Variants in PZP observed in about 807,000 individuals in gnomAD.
The protein encoded by PZP is pregnancy zone protein.
Under a neutral mutation model 179.8 loss-of-function variants are expected in PZP, and 150 were observed. The observed-to-expected ratio is 0.83, with a 90% CI of 0.73 to 0.96. The LOEUF (loss-of-function observed/expected upper bound fraction) is 0.96, where lower values mean the gene tolerates loss of function less well. Ranked by LOEUF, PZP falls within the 40% of genes least tolerant of loss-of-function variation. The pLI is 0.00. For missense variants in PZP, 1,689 were observed against 1,764.0 expected (o/e 0.96, Z 0.76); for synonymous variants, 624 against 652.3 (o/e 0.96, Z 0.66).
intron 35 of PZP, 89 bp from the exon 36 acceptor site, chr12:9,149,083 G>T: frequency 1.6e-6 from 2 of 1,216,580 alleles, no homozygotes; most frequent in Non-Finnish European, 1.2e-6. Context: ...CTTATGCAGG[G>T]TCAGGAAACT....
chr12:9,208,251 A>G lies in PZP; in HGVS notation c.83+8T>C. On this transcript the variant is annotated splice_region_variant and intron_variant, in intron 1 of 35. Coordinates refer to ENST00000261336, the MANE Select transcript of PZP (RefSeq NM_002864.3). ...ACTCTGGAGGAAGGGGTCTTGAGTG[A>G]GACTTACGGTTCTGTAGAGTTTGAG... The G allele has an allele frequency of 6.2e-7, 1 of 1,609,296 alleles. No individual in the cohort carries two copies.
chr12:9,187,469 A>C (rs759919595), intron 13 of PZP, among the ~76,000 whole-genome samples: 9 of 152,204 alleles, frequency 5.9e-5, no homozygotes, highest in Non-Finnish European at 1.0e-4. Context: ...AAATGAAATC[A>C]TACACTCCAC....
chr12:9,190,648 G>A (rs1393562624), intron 13 of PZP, among the ~76,000 whole-genome samples: 6 of 152,000 alleles, frequency 3.9e-5, no homozygotes, highest in African/African-American at 1.5e-4. Flanking sequence ...CCCATGACAC[G>A]AGTTTACCTA....
intron 13 of PZP, 132 bp from the exon 14 acceptor site, chr12:9,182,249 C>T: frequency 1.3e-6 from 1 of 797,368 alleles, no homozygotes; most frequent in Non-Finnish European, 1.8e-6. Flanking sequence ...ATGGCTTAGT[C>T]TCTCTATGTG....
chr12:9,160,096 T>C, intron 24 of PZP, 71 bp from the exon 25 acceptor site: 1 of 1,415,330 alleles, frequency 7.1e-7, no homozygotes, highest in African/African-American at 1.4e-5. Flanking sequence ...TTTAGGCTCA[T>C]GCATCCAGGC....
At chr12:9,187,700 A>G (rs750908001) in intron 13 of PZP, among the ~76,000 whole-genome samples, 1 of 152,386 alleles carries the variant, frequency 6.6e-6, no homozygotes, top group East Asian at 1.9e-4. Flanking sequence ...AGGGAAACTT[A>G]TAGCACTAAA....
rs915588637 is a variant in PZP at position 9,152,229 on chromosome 12, T to C, written c.4203A>G (p.Thr1401=). ...MVSGFIPLKP[T]VKMLERSSSV... ...ATTAAAATACACCTACCATTTTTAC[T>C]GTTGGTTTCAGGGGAATAAAACCAG... Residue 1401 remains threonine (T), a synonymous_variant, in exon 32 of 36, where the codon ACA becomes ACG. Transcript: ENST00000261336. The C allele has an allele frequency of 1.2e-6, 2 of 1,601,262 alleles. No individual in the cohort carries two copies. Among genetic ancestry groups the C allele is most frequent in the Non-Finnish European group, 1.7e-6 (2 of 1,168,384 alleles).
intron 31 of PZP, among the ~76,000 whole-genome samples, 194 bp downstream of exon 31, chr12:9,152,630 T>G (rs1289048149): frequency 6.6e-6 from 1 of 152,254 alleles, no homozygotes; most frequent in Non-Finnish European, 1.5e-5. Flanking sequence ...CATTTGTTAT[T>G]TAGTATATAT....
rs753450276 is a variant in PZP, at chr12:9,193,278, G to A, written c.1255-539C>T. ...TTGCGCACAATTCTATTTCCCTTGT[G>A]GTAACTGCTCCTTAGCTTTTCTTCA... On this transcript the variant is annotated intron_variant, in intron 11 of 35. Transcript: ENST00000261336. Among the ~76,000 whole-genome samples the A allele has an allele frequency of 7.9e-5, 12 of 152,010 alleles. No homozygotes were observed. The South Asian group carries it at 2.5e-3, about 32-fold the overall frequency.
At chr12:9,159,634 C>A (rs1218482368) in intron 25 of PZP, among the ~76,000 whole-genome samples, 1 of 151,550 alleles carries the variant, frequency 6.6e-6, no homozygotes, top group African/African-American at 2.4e-5. Flanking sequence ...CAAAGTAAAA[C>A]AAAGAAAAGA....
chr12:9,201,194 A>G (rs1944134776), intron 5 of PZP, 133 bp downstream of exon 5: 1 of 1,354,952 alleles, frequency 7.4e-7, no homozygotes, highest in Non-Finnish European at 1.0e-6. Context: ...AATACAATCA[A>G]CCTGACAACT....
chr12:9,196,374 T>C lies in PZP; in HGVS notation c.1048A>G (p.Lys350Glu). ...CCTTGTCTAAAGTGTGAATCCACTT[T>C]CACGAATTTGAGTTTGGATACAATG... Reference protein sequence around the residue: ...TNIVSKLKFVKVDSHFRQGIP... With the variant: ...TNIVSKLKFVEVDSHFRQGIP... Residue 350 changes from lysine to glutamate, a missense_variant, in exon 10 of 36, where the codon AAA (lysine) becomes GAA (glutamate). Lys to Glu is a moderately conservative substitution (Grantham distance 56). Transcript: ENST00000261336. The C allele has an allele frequency of 6.2e-7, 1 of 1,613,842 alleles. No individual in the cohort carries two copies. Among genetic ancestry groups the C allele is most frequent in the South Asian group, 1.1e-5 (1 of 91,076 alleles).
intron 7 of PZP, 113 bp from the exon 8 acceptor site, chr12:9,197,236 GTGCCCACCAAGTA>G (rs1943831715): frequency 1.5e-6 from 1 of 683,920 alleles, no homozygotes; most frequent in East Asian, 2.9e-5. Flanking sequence ...TATCATCTGG[GTGCCCACCAAGTA>G]GAAAGCTGTC....
intron 19 of PZP, among the ~76,000 whole-genome samples, 169 bp from the exon 20 acceptor site, chr12:9,164,428 A>G (rs1367860371): frequency 6.6e-6 from 1 of 152,248 alleles, no homozygotes; most frequent in East Asian, 1.9e-4. Context: ...GCAATGATAC[A>G]AATCAAGATT....
rs775177035 is a variant in PZP, at chr12:9,200,339, T to G, written c.755+25A>C. 2.0e-6 allele frequency: 3 copies of G among 1,520,146 alleles called. No homozygotes were observed. In the Admixed American group the frequency reaches 5.5e-5, roughly 28 times the overall value. 94.2% of individuals were successfully genotyped at this position (1,520,146 alleles called of 1,614,324 possible). On this transcript the variant is annotated intron_variant, in intron 7 of 35. Transcript: ENST00000261336. ...TCAAAATTGAGGCAAAATATAAAATTTTAGATAAAAACAATGTAACTCACT... is the reference window on the plus strand; with the variant it reads ...TCAAAATTGAGGCAAAATATAAAATGTTAGATAAAAACAATGTAACTCACT...
At chr12:9,179,699 G>T (rs1942632561) in intron 15 of PZP, among the ~76,000 whole-genome samples, 1 of 152,164 alleles carries the variant, frequency 6.6e-6, no homozygotes, top group South Asian at 2.1e-4. Context: ...GACCAAAAGT[G>T]ATTCTATTTA....
At chr12:9,176,525 A>G (rs1565644352) in intron 15 of PZP, among the ~76,000 whole-genome samples, 1 of 152,252 alleles carries the variant, frequency 6.6e-6, no homozygotes, top group Non-Finnish European at 1.5e-5. Context: ...AAAGAACCAC[A>G]TAGGCACATA....
At position 9,166,176 on chromosome 12, in the gene PZP, A is replaced by G. The variant is rs758049989; in HGVS notation, c.2134T>C (p.Tyr712His). 7.4e-6 allele frequency: 12 copies of G among 1,613,516 alleles called. No homozygotes were observed. The East Asian group carries it at 1.8e-4, about 24-fold the overall frequency. Residue 712 changes from tyrosine to histidine, a missense_variant, in exon 18 of 36, where the codon TAT becomes CAT. Physicochemically the swap from Tyr to His is moderately conservative, Grantham distance 83. Around this residue, in one of 3 missense-constraint regions of PZP, gnomAD observed 201 missense variants for 284.2 expected, o/e 0.71. Coordinates refer to ENST00000261336, the MANE Select transcript of PZP (RefSeq NM_002864.3). Reference protein sequence around the residue: ...GAGLGVVERPYVPQLGTYNVI... With the variant: ...GAGLGVVERPHVPQLGTYNVI... The stretch of plus-strand genomic sequence containing the variant: ...TTATATGTGCCTAATTGAGGAACAT[A>G]TGGTCTCTCTACTACTCCTAGACCT...
At position 9,200,956 on chromosome 12, in the gene PZP, G is replaced by A. The variant is rs149270620; in HGVS notation, c.606C>T (p.Tyr202=). The part of the protein sequence containing the change: ...PLSSEPIQGS[Y]RVVVQTESGG... ...CTGATTCTGTCTGTACCACCACCCT[G>A]TAGGAGCCCTGAATGGGCTCTGATG... is the stretch of plus-strand genomic sequence containing the variant. The change falls in exon 6 of 36, where the codon TAC becomes TAT. Residue 202 remains tyrosine (Y), a synonymous_variant. Transcript: ENST00000261336. 18 of 1,614,086 alleles carry A rather than the reference G, an allele frequency of 1.1e-5. No homozygotes were observed. Among genetic ancestry groups the A allele is most frequent in the South Asian group, 2.2e-5 (2 of 91,072 alleles).
Sources: allele counts gnomAD v4.1 joint callset (sites outside exome capture counted in the v4.1 genomes callset), GRCh38; gene constraint gnomAD v4.1.1; regional missense constraint gnomAD v4.1.1; transcripts MANE v1.5; gene names NCBI Gene and HGNC (gene_info 2026-07-23, HGNC 2026-07-21).